Variants in ALDH1A2 observed in about 807,000 individuals in gnomAD.
ALDH1A2 encodes aldehyde dehydrogenase 1 family member A2.
In ALDH1A2, 27 loss-of-function variants were observed where a neutral mutation model predicts 60.3. That is an observed-to-expected ratio of 0.45 (90% CI 0.33 to 0.62). ALDH1A2 has a LOEUF of 0.62. ALDH1A2 is among the 20% of genes least tolerant of loss of function. The probability of loss-of-function intolerance (pLI) is 0.02; values close to 1 mark genes in which losing one functional copy is unlikely to be tolerated. For synonymous variants in ALDH1A2, 289 were observed against 232.4 expected (o/e 1.24, Z -2.21); for missense variants, 581 against 643.8 (o/e 0.90, Z 1.06).
intron 9 of ALDH1A2, 42 bp downstream of exon 9, chr15:57,963,843 C>T (rs1893806865): frequency 6.2e-7 from 1 of 1,609,404 alleles, no homozygotes; most frequent in South Asian, 1.1e-5. Context: ...CTGTGCCAGT[C>T]AAGGATTAAG....
chr15:58,053,227 A>G (rs1430031642), intron 1 of ALDH1A2, among the ~76,000 whole-genome samples: 2 of 152,168 alleles, frequency 1.3e-5, no homozygotes, highest in Non-Finnish European at 2.9e-5. Context: ...CACATTTAAA[A>G]TGCTTCTTCT....
chr15:58,024,224 A>G (rs1340822602), intron 1 of ALDH1A2, among the ~76,000 whole-genome samples: 1 of 152,226 alleles, frequency 6.6e-6, no homozygotes, highest in Non-Finnish European at 1.5e-5. Flanking sequence ...AGTGTAAACA[A>G]TAAGAAAAAA....
intron 1 of ALDH1A2, among the ~76,000 whole-genome samples, chr15:58,052,344 G>A (rs1211347130): frequency 2.0e-5 from 3 of 152,040 alleles, no homozygotes; most frequent in Non-Finnish European, 4.4e-5. Flanking sequence ...GTCAGGGTGG[G>A]GTAAAGAAAT....
chr15:58,031,065 C>G (rs989253237), intron 1 of ALDH1A2, among the ~76,000 whole-genome samples: 1 of 152,132 alleles, frequency 6.6e-6, no homozygotes, highest in Admixed American at 6.5e-5. Flanking sequence ...GCCCGCAAAG[C>G]CACTACGATC....
intron 7 of ALDH1A2, among the ~76,000 whole-genome samples, chr15:57,982,300 T>C (rs1488691053): frequency 6.6e-6 from 1 of 152,202 alleles, no homozygotes; most frequent in Non-Finnish European, 1.5e-5. Flanking sequence ...TCCACTCAAG[T>C]ATAATAGATG....
At chr15:58,006,156 G>T (rs182664957) in intron 4 of ALDH1A2, among the ~76,000 whole-genome samples, 2 of 151,758 alleles carry the variant, frequency 1.3e-5, no homozygotes, top group East Asian at 3.9e-4. Flanking sequence ...CCAATATGTA[G>T]TCTTTTATCA....
intron 1 of ALDH1A2, among the ~76,000 whole-genome samples, chr15:58,040,939 A>G (rs1441413029): frequency 6.6e-6 from 1 of 151,884 alleles, no homozygotes; most frequent in African/African-American, 2.4e-5. Context: ...ACTTCCCCCC[A>G]GTTAGGAACA....
intron 7 of ALDH1A2, among the ~76,000 whole-genome samples, chr15:57,989,338 T>C (rs191684619): frequency 1.0e-3 from 154 of 152,334 alleles, no homozygotes; most frequent in Non-Finnish European, 1.7e-3. Context: ...AAAGATAGCA[T>C]TTTTCCTCAT....
intron 1 of ALDH1A2, among the ~76,000 whole-genome samples, chr15:58,024,790 G>T (rs1401067121): frequency 6.6e-6 from 1 of 151,954 alleles, no homozygotes; most frequent in Non-Finnish European, 1.5e-5. Flanking sequence ...ACCATATGTT[G>T]GACCACAAAA....
rs367903643 is a variant in ALDH1A2 at position 57,957,387 on chromosome 15, G to C, written c.1485-2118C>G. 7.4e-4 allele frequency among the ~76,000 whole-genome samples: 112 copies of C among 152,300 alleles called. 1 individual carries two copies. The highest frequency in any genetic ancestry group is 1.9e-3 in the South Asian group (9 of 4,824). ...CTCTACGGAGGGACCAGGAGACTGA[G>C]AGACAGATGGTCATGTGGGTCACAC... is the stretch of plus-strand genomic sequence containing the variant. On this transcript the variant is annotated intron_variant, in intron 12 of 12. Transcript: ENST00000249750.
chr15:57,980,599 G>A (rs541202227), intron 7 of ALDH1A2: 89 of 261,870 alleles, frequency 3.4e-4, no homozygotes, highest in African/African-American at 1.8e-3. Flanking sequence ...TCTTGACCTC[G>A]GCTGACAGCC....
intron 7 of ALDH1A2, among the ~76,000 whole-genome samples, chr15:57,982,408 G>C (rs148164031): frequency 6.6e-6 from 1 of 152,174 alleles, no homozygotes. Flanking sequence ...AAAAAGTGAT[G>C]ATTTCCTTTA....
chr15:57,961,986 T>C, intron 10 of ALDH1A2, 26 bp downstream of exon 10: 2 of 1,614,034 alleles, frequency 1.2e-6, no homozygotes, highest in Non-Finnish European at 8.5e-7. Flanking sequence ...AAGATGTGGC[T>C]TTTGTAAGAA....
At chr15:58,013,537 C>G (rs1443945290) in intron 3 of ALDH1A2, among the ~76,000 whole-genome samples, 1 of 151,882 alleles carries the variant, frequency 6.6e-6, no homozygotes. Context: ...TCAAAGTATC[C>G]TTTTAGGAGC....
At chr15:57,981,226 TTCA>T (rs1894492854) in intron 7 of ALDH1A2, among the ~76,000 whole-genome samples, 2 of 151,184 alleles carry the variant, frequency 1.3e-5, no homozygotes, top group African/African-American at 2.4e-5. Context: ...AGAAAAAGGA[TTCA>T]TCATCATTTT....
chr15:58,024,316 C>T (rs1339234727), intron 1 of ALDH1A2, among the ~76,000 whole-genome samples: 3 of 151,918 alleles, frequency 2.0e-5, no homozygotes. Flanking sequence ...CAATTTTATA[C>T]TGCCTAGAAG....
chr15:57,972,020 G>T (rs1309036633), intron 7 of ALDH1A2, among the ~76,000 whole-genome samples: 2 of 152,174 alleles, frequency 1.3e-5, no homozygotes, highest in Non-Finnish European at 2.9e-5. Context: ...GTGAGCCATC[G>T]TGTCCAGCTA....
chr15:58,008,381 A>G (rs1236476423), intron 4 of ALDH1A2, among the ~76,000 whole-genome samples: 7 of 152,100 alleles, frequency 4.6e-5, no homozygotes, highest in African/African-American at 1.7e-4. Flanking sequence ...CCCTGTATTT[A>G]TAACTCGTAG....
At chr15:57,982,890 T>C (rs1232862532) in intron 7 of ALDH1A2, among the ~76,000 whole-genome samples, 3 of 152,204 alleles carry the variant, frequency 2.0e-5, no homozygotes, top group African/African-American at 7.2e-5. Context: ...TCACTGAGCA[T>C]GTCATGTTCA....
Sources: gnomAD v4.1 joint callset for allele counts (sites outside exome capture counted in the v4.1 genomes callset) on GRCh38, gnomAD v4.1.1 for gene constraint, MANE v1.5 for transcripts, NCBI Gene and HGNC (gene_info 2026-07-23, HGNC 2026-07-21) for gene names.